Variants in COL4A3 observed in about 807,000 individuals in gnomAD.
COL4A3 encodes collagen type IV alpha 3 chain.
In COL4A3, 135 loss-of-function variants were observed where a neutral mutation model predicts 217.4. That is an observed-to-expected ratio of 0.62 (90% CI 0.54 to 0.72). COL4A3 has a LOEUF of 0.72. Ranked by LOEUF, COL4A3 falls within the 30% of genes least tolerant of loss-of-function variation. COL4A3 has a pLI of 0.00. For missense variants in COL4A3, 1,868 were observed against 2,119.9 expected (o/e 0.88, Z 2.33); for synonymous variants, 690 against 736.3 (o/e 0.94, Z 1.02).
intron 24 of COL4A3, among the ~76,000 whole-genome samples, chr2:227,270,524 T>C (rs2071173601): frequency 2.0e-5 from 3 of 152,222 alleles, no homozygotes; most frequent in Admixed American, 2.0e-4. Flanking sequence ...GATTGTTCTA[T>C]GGTATTAAAT....
intron 3 of COL4A3, among the ~76,000 whole-genome samples, chr2:227,241,458 G>C (rs2069014540): frequency 6.6e-6 from 1 of 152,150 alleles, no homozygotes; most frequent in African/African-American, 2.4e-5. Flanking sequence ...AGGATCACTT[G>C]AGCCCACGAG....
chr2:227,208,795 CACACACACACATATATACAGA>C (rs1221961132), intron 1 of COL4A3, among the ~76,000 whole-genome samples: 5 of 110,290 alleles, frequency 4.5e-5, no homozygotes, highest in Non-Finnish European at 8.0e-5. Flanking sequence ...CACACACACA[CACACACACACATATATACAGA>C]AGGAGGTAAG....
At chr2:227,222,775 A>G (rs1374952219) in intron 1 of COL4A3, among the ~76,000 whole-genome samples, 1 of 152,126 alleles carries the variant, frequency 6.6e-6, no homozygotes, top group Non-Finnish European at 1.5e-5. Context: ...GTGGAAAAGC[A>G]CAGGAATATG....
chr2:227,296,410 C>T (rs1347465711), intron 41 of COL4A3: 1 of 633,002 alleles, frequency 1.6e-6, no homozygotes, highest in African/African-American at 2.0e-5. Context: ...AACGGTCATA[C>T]CTTAGGTTTA....
At chr2:227,297,638 G>T in intron 41 of COL4A3, 36 bp from the exon 42 acceptor site, 1 of 1,580,238 alleles carries the variant, frequency 6.3e-7, no homozygotes, top group Non-Finnish European at 8.6e-7. Context: ...AAGCATATGG[G>T]CATTAAAGAA....
Position 227,164,649 on chromosome 2 carries a change from C to A in COL4A3, c.-78C>A. On this transcript the variant is annotated 5_prime_UTR_variant, in exon 1 of 52. Transcript: ENST00000396578. The surrounding 1 kb of genome is among the most constrained non-coding windows in gnomAD (Gnocchi z 4.8). ...GAGCTTTCCAGCCGGGCTCCCAGAG[C>A]CGCGCTGCGCAGGAGACGCGGTGGC... The A allele has an allele frequency of 2.0e-6, 3 of 1,525,092 alleles. No individual in the cohort carries two copies. Among genetic ancestry groups the A allele is most frequent in the Non-Finnish European group, 2.6e-6 (3 of 1,140,954 alleles). The allele number at this position is 1,525,092 out of a possible 1,614,324, so 94.5% of individuals were successfully genotyped here.
Position 227,246,826 on chromosome 2 carries a change from A to G in COL4A3, c.441+88A>G, listed in dbSNP as rs781464987. The G allele has an allele frequency of 1.0e-5, 12 of 1,178,876 alleles. No individual in the cohort carries two copies. In the South Asian group the frequency reaches 1.5e-4, roughly 14 times the overall value. The allele number at this position is 1,178,876 out of a possible 1,614,324, so 73.0% of individuals were successfully genotyped here. On this transcript the variant is annotated intron_variant, in intron 7 of 51. Transcript: ENST00000396578. ...ATATGGCCATATACACAAATCCGTCATGACTTTAGGGAAGTCTGGGGTAGC... is the reference window on the plus strand; with the variant it reads ...ATATGGCCATATACACAAATCCGTCGTGACTTTAGGGAAGTCTGGGGTAGC...
intron 18 of COL4A3, among the ~76,000 whole-genome samples, chr2:227,258,423 C>T (rs184433914): frequency 1.6e-4 from 25 of 152,278 alleles, no homozygotes; most frequent in Non-Finnish European, 3.1e-4. Flanking sequence ...ATGCATAGAG[C>T]CCCTGTCTTA....
intron 1 of COL4A3, among the ~76,000 whole-genome samples, chr2:227,221,878 A>G (rs2067805917): frequency 2.0e-5 from 3 of 150,960 alleles, no homozygotes; most frequent in Admixed American, 1.3e-4. Flanking sequence ...GGACATTAGG[A>G]AAAAAAAAGT....
chr2:227,197,708 C>T (rs2066535263), intron 1 of COL4A3, among the ~76,000 whole-genome samples: 1 of 152,142 alleles, frequency 6.6e-6, no homozygotes, highest in Admixed American at 6.5e-5. Flanking sequence ...ACATACACAC[C>T]TATCTTGGAA....
intron 34 of COL4A3, among the ~76,000 whole-genome samples, chr2:227,286,564 G>A (rs915340075): frequency 6.6e-6 from 1 of 152,220 alleles, no homozygotes; most frequent in African/African-American, 2.4e-5. Context: ...TACATACGGG[G>A]AAATAGGGAG....
intron 23 of COL4A3, chr2:227,268,370 C>G (rs898474860): frequency 6.6e-6 from 1 of 152,352 alleles, no homozygotes; most frequent in Non-Finnish European, 1.5e-5. Flanking sequence ...GCCTGCATCC[C>G]CTGACTGCGG....
intron 3 of COL4A3, among the ~76,000 whole-genome samples, chr2:227,243,047 G>A (rs967373154): frequency 3.3e-5 from 5 of 152,050 alleles, no homozygotes; most frequent in African/African-American, 1.2e-4. Flanking sequence ...CTTCAACCCT[G>A]GACTTAGATC....
intron 34 of COL4A3, among the ~76,000 whole-genome samples, chr2:227,288,363 C>T (rs559962554): frequency 1.5e-4 from 23 of 152,306 alleles, no homozygotes; most frequent in African/African-American, 5.3e-4. Context: ...TCCCAAAGTG[C>T]TGGGATTACA....
At chr2:227,221,330 C>T (rs7601647) in intron 1 of COL4A3, 68,615 of 151,984 alleles carry the variant, frequency 0.45, 16,795 homozygotes, top group Non-Finnish European at 0.57. Flanking sequence ...CTGGTACCCA[C>T]AATTCCTTTA....
intron 7 of COL4A3, 170 bp downstream of exon 7, chr2:227,246,908 T>C (rs2069384449): frequency 2.7e-6 from 2 of 736,946 alleles, no homozygotes; most frequent in East Asian, 5.2e-5. Flanking sequence ...ATTATGAGTG[T>C]AGGATTAGAG....
Position 227,240,254 on chromosome 2 carries a change from G to T in COL4A3, c.234+22G>T, listed in dbSNP as rs1243642721. 2.5e-6 allele frequency: 4 copies of T among 1,593,468 alleles called. No individual in the cohort carries two copies. In the African/African-American group the frequency reaches 4.0e-5, roughly 16 times the overall value. On this transcript the variant is annotated intron_variant, in intron 3 of 51. Coordinates refer to ENST00000396578, the MANE Select transcript of COL4A3 (RefSeq NM_000091.5). ...CAAGGTATGTCATCCTGCAAGCTTG[G>T]AAAATCCCCAACCCACCTAACCCTC... is the stretch of plus-strand genomic sequence containing the variant.
Position 227,299,831 on chromosome 2 carries a change from T to G in COL4A3, c.3882+1019T>G, listed in dbSNP as rs73086012. 1.9e-3 allele frequency among the ~76,000 whole-genome samples: 294 copies of G among 152,318 alleles called. 2 individuals are homozygous for G. The highest frequency in any genetic ancestry group is 6.8e-3 in the African/African-American group (282 of 41,566). ...ACAGCATTCCAGATCCTTGCTTATT[T>G]AGACCCTGAACAAGTCCAGTGACGG... On this transcript the variant is annotated intron_variant, in intron 43 of 51. Coordinates refer to ENST00000396578, the MANE Select transcript of COL4A3 (RefSeq NM_000091.5).
chr2:227,164,669 G>T lies in COL4A3; in HGVS notation c.-58G>T. The T allele has an allele frequency of 4.6e-6, 7 of 1,528,738 alleles. No homozygotes were observed. Among genetic ancestry groups the T allele is most frequent in the Non-Finnish European group, 4.4e-6 (5 of 1,143,952 alleles). 94.7% of individuals were successfully genotyped at this position (1,528,738 alleles called of 1,614,324 possible). The stretch of plus-strand genomic sequence containing the variant: ...CAGAGCCGCGCTGCGCAGGAGACGC[G>T]GTGGCCTGAGAGCCTGAGGGTCCCC... On this transcript the variant is annotated 5_prime_UTR_variant, in exon 1 of 52. Transcript: ENST00000396578. The surrounding 1 kb of genome is among the most constrained non-coding windows in gnomAD (Gnocchi z 4.8).
Sources: gnomAD v4.1 joint callset for allele counts (sites outside exome capture counted in the v4.1 genomes callset) on GRCh38, gnomAD v4.1.1 for gene constraint, Gnocchi (gnomAD v3.1) non-coding constraint, MANE v1.5 for transcripts, NCBI Gene and HGNC (gene_info 2026-07-23, HGNC 2026-07-21) for gene names.